MIGA1: variants seen among roughly 807,000 people sequenced by gnomAD.
The protein encoded by MIGA1 is mitoguardin 1.
In MIGA1, 58 loss-of-function variants were observed where a neutral mutation model predicts 82.0. The ratio of observed to expected loss-of-function variants is 0.71; its 90% CI spans 0.57 to 0.88. MIGA1 has a LOEUF of 0.88. Ranked by LOEUF, MIGA1 falls within the 40% of genes least tolerant of loss-of-function variation. The pLI, the probability that MIGA1 is intolerant of heterozygous loss-of-function variation, is 0.00. For synonymous variants in MIGA1, 249 were observed against 253.6 expected, an observed-to-expected ratio of 0.98 and a Z score of 0.17; for missense variants, 751 against 749.1, an observed-to-expected ratio of 1.00 and a Z score of -0.03.
intron 14 of MIGA1, among the ~76,000 whole-genome samples, chr1:77,867,054 A>G (rs1685697599): frequency 6.6e-6 from 1 of 152,132 alleles, no homozygotes; most frequent in South Asian, 2.1e-4. Flanking sequence ...ATTTGATTCT[A>G]ATAGCTGCTT....
Position 77,821,683 on chromosome 1 carries a change from C to T in MIGA1, c.895+6452C>T, listed in dbSNP as rs570282044. On this transcript the variant is annotated intron_variant, in intron 7 of 15. Coordinates refer to ENST00000370791, the MANE Select transcript of MIGA1 (RefSeq NM_198549.4). The stretch of plus-strand genomic sequence containing the variant: ...TGCTGGGATTACAGTTGTGAGCCAC[C>T]GCGCCTGGCCAAATAGTTTTAGATT... 5.9e-5 allele frequency among the ~76,000 whole-genome samples: 9 copies of T among 152,220 alleles called. No homozygotes were observed. In the East Asian group the frequency reaches 1.2e-3, roughly 20 times the overall value.
intron 7 of MIGA1, among the ~76,000 whole-genome samples, chr1:77,825,578 A>G (rs1234362396): frequency 6.6e-6 from 1 of 152,184 alleles, no homozygotes; most frequent in Non-Finnish European, 1.5e-5. Flanking sequence ...TGCACCTGGT[A>G]CTGTAACTCA....
intron 13 of MIGA1, among the ~76,000 whole-genome samples, chr1:77,864,870 T>C (rs1685604962): frequency 6.6e-6 from 1 of 152,198 alleles, no homozygotes; most frequent in African/African-American, 2.4e-5. Flanking sequence ...TTTGTTGGGC[T>C]TTAAGTGTGC....
intron 8 of MIGA1, among the ~76,000 whole-genome samples, chr1:77,853,113 A>G (rs1239524666): frequency 1.3e-5 from 2 of 152,238 alleles, no homozygotes; most frequent in Non-Finnish European, 2.9e-5. Context: ...AGTTACTTCT[A>G]GAATCATAGC....
intron 5 of MIGA1, among the ~76,000 whole-genome samples, chr1:77,808,047 T>A (rs1466554416): frequency 6.6e-6 from 1 of 152,082 alleles, no homozygotes; most frequent in Non-Finnish European, 1.5e-5. Flanking sequence ...CTTGAACTCC[T>A]GAGCTCAGTT....
At chr1:77,832,391 C>G (rs1364808643) in intron 7 of MIGA1, among the ~76,000 whole-genome samples, 1 of 152,174 alleles carries the variant, frequency 6.6e-6, no homozygotes, top group Non-Finnish European at 1.5e-5. Context: ...TCATCTCTGC[C>G]TTTAGGCAAT....
At chr1:77,798,016 A>G (rs893518757) in intron 2 of MIGA1, among the ~76,000 whole-genome samples, 1 of 152,162 alleles carries the variant, frequency 6.6e-6, no homozygotes, top group Admixed American at 6.5e-5. Context: ...TCATGATCTT[A>G]TGGGGAAAGC....
intron 8 of MIGA1, among the ~76,000 whole-genome samples, chr1:77,852,076 G>A (rs1047930780): frequency 4.0e-5 from 6 of 151,854 alleles, no homozygotes; most frequent in African/African-American, 9.7e-5. Context: ...GTAGAGATGG[G>A]GTTTCGCCAT....
chr1:77,782,757 G>C (rs1026144781), intron 1 of MIGA1: 78 of 393,292 alleles, frequency 2.0e-4, no homozygotes, highest in African/African-American at 1.7e-3. Flanking sequence ...AAATGCGTGA[G>C]TTCTGGAGTT....
intron 12 of MIGA1, 107 bp downstream of exon 12, chr1:77,861,429 A>G (rs544645803): frequency 1.1e-5 from 8 of 744,012 alleles, no homozygotes; most frequent in Admixed American, 2.5e-5. Context: ...AGCCAATTGT[A>G]TGGTTGTGGG....
At chr1:77,842,633 C>T (rs1041670247) in intron 7 of MIGA1, among the ~76,000 whole-genome samples, 1 of 152,140 alleles carries the variant, frequency 6.6e-6, no homozygotes, top group East Asian at 1.9e-4. Context: ...CTGCAACCTC[C>T]ACCTCCCGGG....
chr1:77,800,705 A>G (rs1339290746), intron 2 of MIGA1, among the ~76,000 whole-genome samples: 1 of 152,176 alleles, frequency 6.6e-6, no homozygotes, highest in Non-Finnish European at 1.5e-5. Flanking sequence ...CTCTTAGCAC[A>G]CTGCTTGAGG....
rs1343298065 is a variant in MIGA1, at chr1:77,860,077, C to G, written c.1226C>G (p.Ala409Gly). 5 of 1,612,070 alleles carry G rather than the reference C, an allele frequency of 3.1e-6. No homozygotes were observed. In the Admixed American group the frequency reaches 8.4e-5, roughly 27 times the overall value. ...GAATCAGCTAACAGGATATTCCTCGCTGAGAGCGGAAGGAAAATTTTATCA... is the reference window on the plus strand; with the variant it reads ...GAATCAGCTAACAGGATATTCCTCGGTGAGAGCGGAAGGAAAATTTTATCA... Residue 409 changes from alanine (A) to glycine (G), a missense_variant, in exon 11 of 16, where the codon GCT (alanine) becomes GGT (glycine). By Grantham distance (60) the Ala-to-Gly change is moderately conservative (BLOSUM62 0). Coordinates refer to ENST00000370791, the MANE Select transcript of MIGA1 (RefSeq NM_198549.4).
At chr1:77,864,955 A>G (rs1685608094) in intron 13 of MIGA1, among the ~76,000 whole-genome samples, 3 of 152,174 alleles carry the variant, frequency 2.0e-5, no homozygotes, top group Non-Finnish European at 4.4e-5. Flanking sequence ...CCAGTTGGCA[A>G]TTTCACAATT....
intron 4 of MIGA1, among the ~76,000 whole-genome samples, chr1:77,804,459 TAGTCTC>T (rs1296424841): frequency 6.6e-6 from 1 of 152,144 alleles, no homozygotes; most frequent in Non-Finnish European, 1.5e-5. Flanking sequence ...GTGGTGCCTA[TAGTCTC>T]AGCTATTCAG....
intron 7 of MIGA1, among the ~76,000 whole-genome samples, chr1:77,833,583 C>T (rs1047372042): frequency 2.0e-5 from 3 of 152,120 alleles, no homozygotes; most frequent in Non-Finnish European, 1.5e-5. Flanking sequence ...AGACAAAGGG[C>T]CATCCATGTA....
Position 77,813,608 on chromosome 1 carries a change from A to G in MIGA1, c.638-126A>G, listed in dbSNP as rs955433505. The G allele has an allele frequency of 3.6e-5, 36 of 996,242 alleles. No individual in the cohort carries two copies. In the East Asian group the frequency reaches 6.9e-4, roughly 19 times the overall value. The allele number at this position is 996,242 out of a possible 1,614,324, so 61.7% of individuals were successfully genotyped here. A position where few individuals can be genotyped will look rare whatever the true frequency, so the allele number is the denominator to read the frequency against. On this transcript the variant is annotated intron_variant, in intron 5 of 15. Coordinates refer to ENST00000370791, the MANE Select transcript of MIGA1 (RefSeq NM_198549.4). ...CTAAGATTCTGTCATGAAATGATGT[A>G]TGATTCTTTAGTGTCAAAATTAGAC...
rs1294790913 is a variant in MIGA1 at position 77,875,024 on chromosome 1, A to C, written c.1859A>C (p.His620Pro). Residue 620 changes from histidine (H) to proline (P), a missense_variant, in exon 16 of 16, where the codon CAT becomes CCT. His to Pro is a moderately conservative substitution (Grantham distance 77). This residue lies in a region of MIGA1 where 265 missense variants were observed against 293.6 expected (regional missense o/e 0.90). Coordinates refer to ENST00000370791, the MANE Select transcript of MIGA1 (RefSeq NM_198549.4). ...AGTAGTTGTCTAAGCAGTCATGGTC[A>C]TGTTATGTCCACTGGGCTACTGGAA... 2 of 1,614,064 alleles carry C rather than the reference A, an allele frequency of 1.2e-6. No individual in the cohort carries two copies. The highest frequency in any genetic ancestry group is 1.7e-5 in the Admixed American group (1 of 60,006).
chr1:77,830,543 T>C (rs1197550968), intron 7 of MIGA1, among the ~76,000 whole-genome samples: 1 of 152,194 alleles, frequency 6.6e-6, no homozygotes, highest in East Asian at 1.9e-4. Flanking sequence ...TTATTTTTAT[T>C]TCATCTTTTC....
Sources: allele counts gnomAD v4.1 joint callset (sites outside exome capture counted in the v4.1 genomes callset), GRCh38; gene constraint gnomAD v4.1.1; regional missense constraint gnomAD v4.1.1; transcripts MANE v1.5; gene names NCBI Gene and HGNC (gene_info 2026-07-23, HGNC 2026-07-21).